MID1: variants seen among roughly 807,000 people sequenced by gnomAD.
MID1 encodes the protein midline 1, also known as E3 ubiquitin-protein ligase Midline-1.
Under a neutral mutation model 40.4 loss-of-function variants are expected in MID1, and 7 were observed. That is an observed-to-expected ratio of 0.17 (90% confidence interval 0.10 to 0.33). MID1 has a LOEUF of 0.33. MID1 is among the 10% of genes least tolerant of loss of function. The probability of loss-of-function intolerance (pLI) is 1.00; values close to 1 mark genes in which losing one functional copy is unlikely to be tolerated. For synonymous variants in MID1, 229 were observed against 221.2 expected, an observed-to-expected ratio of 1.04 and a Z score of -0.31; for missense variants, 367 against 558.5, an observed-to-expected ratio of 0.66 and a Z score of 3.46.
chrX:10,754,302 TTTTTTTG>T (rs1240887442), intron 1 of MID1, among the ~76,000 whole-genome samples: 5 of 106,211 alleles, frequency 4.7e-5, no homozygotes, highest in Admixed American at 1.9e-4. Context: ...CAAGAGAGTT[TTTTTTTG>T]TTTTTTGTTT....
intron 1 of MID1, among the ~76,000 whole-genome samples, chrX:10,658,320 G>A (rs2042888915): frequency 9.5e-6 from 1 of 105,109 alleles, no homozygotes; most frequent in African/African-American, 3.5e-5. Flanking sequence ...AATAGGGAAT[G>A]TCTCAGAACT....
At chrX:10,649,351 T>C (rs1299746162) in intron 1 of MID1, among the ~76,000 whole-genome samples, 1 of 112,053 alleles carries the variant, frequency 8.9e-6, no homozygotes, top group East Asian at 2.8e-4. Flanking sequence ...CTGCAGCTTT[T>C]AACACAATCT....
At chrX:10,709,446 G>C (rs1414220317) in intron 1 of MID1, among the ~76,000 whole-genome samples, 1 of 112,349 alleles carries the variant, frequency 8.9e-6, no homozygotes, top group South Asian at 3.7e-4. Flanking sequence ...ATATCTGGGA[G>C]AGACAGAACA....
At chrX:10,762,176 G>A (rs1301377497) in intron 1 of MID1, among the ~76,000 whole-genome samples, 1 of 112,343 alleles carries the variant, frequency 8.9e-6, no homozygotes, top group East Asian at 2.8e-4. Flanking sequence ...TACAATCTGT[G>A]AGAGAAAGTC....
At chrX:10,489,962 T>C (rs1009258327) in intron 4 of MID1, among the ~76,000 whole-genome samples, 1 of 111,804 alleles carries the variant, frequency 8.9e-6, no homozygotes, top group Non-Finnish European at 1.9e-5. Context: ...CCCAAAGTGC[T>C]GGGATTATAG....
intron 1 of MID1, among the ~76,000 whole-genome samples, chrX:10,715,049 A>G (rs2043291461): frequency 8.9e-6 from 1 of 112,535 alleles, no homozygotes; most frequent in Admixed American, 9.4e-5. Flanking sequence ...TCTTCTTAAA[A>G]ATGAAGTTGG....
chrX:10,722,674 G>A (rs1334828969), intron 1 of MID1, among the ~76,000 whole-genome samples: 2 of 111,645 alleles, frequency 1.8e-5, no homozygotes, highest in Non-Finnish European at 3.8e-5. Flanking sequence ...TGAAGAACTA[G>A]CTCAGGAAAT....
chrX:10,557,392 G>A (rs146416723), intron 2 of MID1, among the ~76,000 whole-genome samples: 1,751 of 111,840 alleles, frequency 0.016, 14 homozygotes, highest in Middle Eastern at 0.023. Context: ...CCTCAGAAGA[G>A]ACCTCAGAAA....
intron 1 of MID1, among the ~76,000 whole-genome samples, chrX:10,695,698 G>T (rs1031979177): frequency 6.3e-5 from 7 of 111,791 alleles, no homozygotes; most frequent in Admixed American, 2.9e-4. Context: ...ACTGATTTTT[G>T]TCTGCGCAGC....
At chrX:10,739,968 C>T (rs7052813) in intron 1 of MID1, among the ~76,000 whole-genome samples, 11,793 of 111,893 alleles carry the variant, frequency 0.11, 1,510 homozygotes, top group African/African-American at 0.36. Flanking sequence ...ATGCCCCAAG[C>T]GTAGGCATTG....
At chrX:10,727,344 C>T (rs1008708451) in intron 1 of MID1, among the ~76,000 whole-genome samples, 10 of 112,179 alleles carry the variant, frequency 8.9e-5, no homozygotes, top group Non-Finnish European at 1.9e-4. Context: ...GTGTCAAACT[C>T]CTGACCTCAG....
chrX:10,518,428 C>G (rs1932554261), intron 3 of MID1, among the ~76,000 whole-genome samples: 2 of 111,626 alleles, frequency 1.8e-5, no homozygotes, highest in Non-Finnish European at 3.8e-5. Context: ...GGTCACTAAC[C>G]AGTTTTGTAT....
chrX:10,732,155 G>A (rs1349656757), intron 1 of MID1, among the ~76,000 whole-genome samples: 1 of 110,624 alleles, frequency 9.0e-6, no homozygotes, highest in Non-Finnish European at 1.9e-5. Flanking sequence ...AGGCAAGAAT[G>A]TCTGCTCTAA....
intron 6 of MID1, 30 bp downstream of exon 6, chrX:10,474,593 C>A (rs1259856263): frequency 1.7e-6 from 2 of 1,198,227 alleles, no homozygotes. Flanking sequence ...TAAGTGTGCA[C>A]AATATTAAAG....
chrX:10,802,159 C>T (rs763812329), intron 1 of MID1, among the ~76,000 whole-genome samples: 29 of 111,017 alleles, frequency 2.6e-4, no homozygotes, highest in African/African-American at 3.9e-4. Flanking sequence ...TCCAGCCTGG[C>T]GAAAGAGCAA....
At chrX:10,582,361 A>G (rs1371359708) in intron 1 of MID1, among the ~76,000 whole-genome samples, 9 of 112,077 alleles carry the variant, frequency 8.0e-5, no homozygotes, top group Admixed American at 7.6e-4. Context: ...ATAGTCTGGA[A>G]TAAAATCATT....
intron 1 of MID1, among the ~76,000 whole-genome samples, chrX:10,752,789 TA>T (rs763345913): frequency 5.4e-5 from 6 of 112,096 alleles, no homozygotes; most frequent in African/African-American, 1.9e-4. Flanking sequence ...GGTTTTCTCT[TA>T]AAAAAATTCT....
chrX:10,746,738 T>G (rs2147112144), intron 1 of MID1, among the ~76,000 whole-genome samples: 1 of 110,690 alleles, frequency 9.0e-6, no homozygotes, highest in East Asian at 2.8e-4. Context: ...GAAATGGATT[T>G]TTGTTGTTTG....
intron 8 of MID1, among the ~76,000 whole-genome samples, chrX:10,456,713 T>G (rs748328910): frequency 2.7e-5 from 3 of 111,522 alleles, no homozygotes; most frequent in Non-Finnish European, 5.7e-5. Flanking sequence ...GGCGGACACC[T>G]GTAATTCCAG....
Sources: gnomAD v4.1 joint callset for allele counts (sites outside exome capture counted in the v4.1 genomes callset) on GRCh38, gnomAD v4.1.1 for gene constraint, MANE v1.5 for transcripts, NCBI Gene and HGNC (gene_info 2026-07-23, HGNC 2026-07-21) for gene names.